The following PTPRB variants were observed in gnomAD, a reference collection of about 807,000 sequenced individuals.
PTPRB encodes protein tyrosine phosphatase receptor type B.
PTPRB carries 97 observed loss-of-function variants against 238.1 expected under a neutral mutation model. That is an observed-to-expected ratio of 0.41 (90% CI 0.35 to 0.48). The LOEUF is 0.48. Among genes scored for constraint, PTPRB ranks in the 20% least tolerant of loss-of-function variants. PTPRB has a pLI of 0.30. For missense variants in PTPRB, 2,292 were observed against 2,681.9 expected, an observed-to-expected ratio of 0.85 and a Z score of 3.21; for synonymous variants, 970 against 995.4, an observed-to-expected ratio of 0.97 and a Z score of 0.48.
intron 3 of PTPRB, among the ~76,000 whole-genome samples, chr12:70,613,095 T>C (rs1028514326): frequency 1.3e-5 from 2 of 152,198 alleles, no homozygotes; most frequent in Non-Finnish European, 2.9e-5. Context: ...TGGGAGCCAC[T>C]GTTTGAGAAC....
At chr12:70,575,474 A>C (rs1175825674) in intron 11 of PTPRB, among the ~76,000 whole-genome samples, 2 of 152,182 alleles carry the variant, frequency 1.3e-5, no homozygotes, top group Admixed American at 1.3e-4. Context: ...ACATTCCTAA[A>C]GTCTCCCATG....
At chr12:70,547,715 C>G (rs1188645199) in intron 21 of PTPRB, among the ~76,000 whole-genome samples, 1 of 151,920 alleles carries the variant, frequency 6.6e-6, no homozygotes, top group African/African-American at 2.4e-5. Flanking sequence ...CCATGTTGCC[C>G]AGGCTAGTCT....
At chr12:70,593,547 G>GT (rs1882705323) in intron 6 of PTPRB, among the ~76,000 whole-genome samples, 1 of 150,052 alleles carries the variant, frequency 6.7e-6, no homozygotes, top group Non-Finnish European at 1.5e-5. Context: ...AAAAGAATGG[G>GT]CACAGCACTC....
chr12:70,581,022 T>C lies in PTPRB; in HGVS notation c.2578+14A>G. ...ATCTTAGTTAAGTCACAGACACATA[T>C]CTCTACTTCTTACCTGTTCTTCCCT... On this transcript the variant is annotated intron_variant, in intron 10 of 33. Transcript: ENST00000334414. 6.2e-7 allele frequency: 1 copy of C among 1,611,378 alleles called. No individual in the cohort carries two copies. Among genetic ancestry groups the C allele is most frequent in the East Asian group, 2.2e-5 (1 of 44,854 alleles).
Position 70,517,706 on chromosome 12 carries a change from C to T in PTPRB, c.*3783G>A, listed in dbSNP as rs1871299853. On this transcript the variant is annotated 3_prime_UTR_variant, in exon 34 of 34. Transcript: ENST00000334414. ...AAGCAGTTTATTACCTATTGATTTT[C>T]ACCAGGTCAGGTTTGGTCTGGCTCA... 1 of 152,122 alleles carries T rather than the reference C, an allele frequency of 6.6e-6. No homozygotes were observed. Among genetic ancestry groups the T allele is most frequent in the African/African-American group, 2.4e-5 (1 of 41,436 alleles). 9.4% of individuals were successfully genotyped at this position (152,122 alleles called of 1,614,324 possible). A position where few individuals can be genotyped will look rare whatever the true frequency, so the allele number is the denominator to read the frequency against.
intron 9 of PTPRB, among the ~76,000 whole-genome samples, chr12:70,583,876 T>G (rs1881627277): frequency 1.3e-5 from 2 of 152,080 alleles, no homozygotes; most frequent in South Asian, 4.1e-4. Flanking sequence ...AAAACAGGCT[T>G]ACAGTAAAAA....
intron 10 of PTPRB, 45 bp downstream of exon 10, chr12:70,580,991 A>G (rs772424054): frequency 6.3e-7 from 1 of 1,582,182 alleles, no homozygotes; most frequent in Admixed American, 1.7e-5. Flanking sequence ...GGTCTCATGT[A>G]CTCAGATCTT....
chr12:70,610,182 A>T (rs1309703451), intron 3 of PTPRB, among the ~76,000 whole-genome samples: 1 of 152,132 alleles, frequency 6.6e-6, no homozygotes, highest in Non-Finnish European at 1.5e-5. Flanking sequence ...CCGAGGAGCC[A>T]ACGCCTGAGC....
chr12:70,576,662 T>TAGGGG lies in PTPRB; in HGVS notation c.2579-18_2579-17insCCCCT, dbSNP rs1555230172. ...TGGAAGGGACTGTGATTTTGAAAGGTGGGGGGCGGGGGGGGGGGGGAAGGG... is the reference window on the plus strand; with the variant it reads ...TGGAAGGGACTGTGATTTTGAAAGGTAGGGGGGGGGGCGGGGGGGGGGGGGAAGGG... On this transcript the variant is annotated splice_polypyrimidine_tract_variant and intron_variant, in intron 10 of 33. Transcript: ENST00000334414. 6.6e-5 allele frequency: 1 copy of TAGGGG among 15,194 alleles called. No homozygotes were observed. Among genetic ancestry groups the TAGGGG allele is most frequent in the African/African-American group, 3.3e-4 (1 of 3,076 alleles). The allele number at this position is 15,194 out of a possible 1,614,324, so 0.9% of individuals were successfully genotyped here.
chr12:70,529,092 G>A (rs1471454836), intron 32 of PTPRB, among the ~76,000 whole-genome samples: 2 of 152,076 alleles, frequency 1.3e-5, no homozygotes, highest in Admixed American at 1.3e-4. Flanking sequence ...AAAGGGTGGT[G>A]CCTTGAGGAC....
rs746227305 is a variant in PTPRB, at chr12:70,590,191, C to T, written c.1823G>A (p.Arg608Lys). Residue 608 changes from arginine (R) to lysine (K), a missense_variant, in exon 8 of 34, where the codon AGG (arginine) becomes AAG (lysine). Physicochemically the swap from Arg to Lys is conservative, Grantham distance 26 (BLOSUM62 2). Coordinates refer to ENST00000334414, the MANE Select transcript of PTPRB (RefSeq NM_001109754.4). ...CCAGCTCACTACAAGAGACCTCATC[C>T]TGCCATTATTGTTTGCCTCCAGGTT... ...VANLEANNNG[R>K]MRSLVVSWSP... The T allele has an allele frequency of 5.0e-6, 8 of 1,590,850 alleles. No homozygotes were observed. The South Asian group carries it at 8.0e-5, about 16-fold the overall frequency.
chr12:70,539,494 G>A lies in PTPRB; in HGVS notation c.5778+131C>T, dbSNP rs1025835926. The stretch of plus-strand genomic sequence containing the variant: ...CAGGGCATAGTTTAGGCATAAAAGA[G>A]TGCTCAGCTGAGATTCTAAGCAGCC... On this transcript the variant is annotated intron_variant, in intron 26 of 33. Coordinates refer to ENST00000334414, the MANE Select transcript of PTPRB (RefSeq NM_001109754.4). The A allele has an allele frequency of 9.9e-6, 7 of 706,940 alleles. No individual in the cohort carries two copies. The Admixed American group carries it at 1.1e-4, about 11-fold the overall frequency. 43.8% of individuals were successfully genotyped at this position (706,940 alleles called of 1,614,324 possible).
chr12:70,555,985 A>C lies in PTPRB; in HGVS notation c.4878T>G (p.Ser1626=), dbSNP rs1200069147. The change falls in exon 19 of 34, where the codon TCT becomes TCG. Residue 1626 remains serine (S), a synonymous_variant. Transcript: ENST00000334414. Reference sequence around the variant, plus strand: ...GCACTAGCATCATGATGTTGAGCAGAGATTTTTCTTTCTCCAGCTTTCTGG... The same window carrying C: ...GCACTAGCATCATGATGTTGAGCAGCGATTTTTCTTTCTCCAGCTTTCTGG... ...EFSRKLEKEK[S]LLNIMMLVPH... is the part of the protein sequence containing the mutation. 5 of 1,613,952 alleles carry C rather than the reference A, an allele frequency of 3.1e-6. No individual in the cohort carries two copies. The highest frequency in any genetic ancestry group is 4.2e-6 in the Non-Finnish European group (5 of 1,179,892).
In PTPRB at chr12:70,609,062, CCTTTACCTGTTTG is replaced by C. The variant is rs1884203569; in HGVS notation, c.973_979+6del. The C allele has an allele frequency of 6.2e-7, 1 of 1,613,730 alleles. No homozygotes were observed. The highest frequency in any genetic ancestry group is 1.3e-5 in the African/African-American group (1 of 75,070). On this transcript the variant is annotated splice_donor_variant and splice_donor_5th_base_variant and coding_sequence_variant and intron_variant, in exon 4 of 34. Transcript: ENST00000334414. LOFTEE classifies it high-confidence loss of function. The stretch of plus-strand genomic sequence containing the variant: ...TTGGCCATCCAATTGCACCTGTCAT[CCTTTACCTGTTTG>C]CAAGACCACTGTTCTCTCTTCATCC...
chr12:70,530,449 A>C (rs987243562), intron 32 of PTPRB, among the ~76,000 whole-genome samples: 30 of 152,046 alleles, frequency 2.0e-4, no homozygotes, highest in Non-Finnish European at 3.4e-4. Context: ...ATACACATGC[A>C]CATATACACA....
chr12:70,538,340 G>T, intron 27 of PTPRB, 109 bp from the exon 28 acceptor site: 1 of 871,050 alleles, frequency 1.1e-6, no homozygotes, highest in Non-Finnish European at 1.8e-6. Flanking sequence ...GATGGGAAGT[G>T]ATCTTATCTC....
At chr12:70,571,761 A>G in intron 12 of PTPRB, 63 bp downstream of exon 12, 4 of 1,539,132 alleles carry the variant, frequency 2.6e-6, no homozygotes. Flanking sequence ...TTCAAGGTTC[A>G]GATAAATTAC....
At chr12:70,537,055 C>T (rs1484525271) in intron 28 of PTPRB, among the ~76,000 whole-genome samples, 2 of 152,062 alleles carry the variant, frequency 1.3e-5, no homozygotes, top group African/African-American at 4.8e-5. Context: ...GAGGCCAAGG[C>T]GGGCGGATCA....
intron 3 of PTPRB, among the ~76,000 whole-genome samples, chr12:70,616,736 T>A (rs184100157): frequency 6.6e-6 from 1 of 152,328 alleles, no homozygotes. Context: ...TGTATCAACT[T>A]TCATCTAGGG....
Sources: allele counts gnomAD v4.1 joint callset (sites outside exome capture counted in the v4.1 genomes callset), GRCh38; gene constraint gnomAD v4.1.1; transcripts MANE v1.5; gene names NCBI Gene and HGNC (gene_info 2026-07-23, HGNC 2026-07-21).